CNTNAP2: variants seen among roughly 807,000 people sequenced by gnomAD.
CNTNAP2 encodes contactin-associated protein-like 2.
In CNTNAP2, 98 loss-of-function variants were observed where a neutral mutation model predicts 155.2. That is an observed-to-expected ratio of 0.63 (90% CI 0.54 to 0.75). CNTNAP2 has a LOEUF of 0.75. Among genes scored for constraint, CNTNAP2 ranks in the 30% least tolerant of loss-of-function variants. The pLI is 0.00. For missense variants in CNTNAP2, 1,727 were observed against 1,688.1 expected (o/e 1.02, Z -0.40); for synonymous variants, 651 against 631.2 (o/e 1.03, Z -0.47).
intron 21 of CNTNAP2, among the ~76,000 whole-genome samples, chr7:148,317,165 G>A (rs968963842): frequency 6.6e-6 from 1 of 152,200 alleles, no homozygotes; most frequent in African/African-American, 2.4e-5. Context: ...AGACCATCCT[G>A]ACCAACATGG....
chr7:146,267,106 A>G lies in CNTNAP2; in HGVS notation c.97+150133A>G, dbSNP rs952731781. 3.9e-5 allele frequency among the ~76,000 whole-genome samples: 6 copies of G among 152,288 alleles called. No individual in the cohort carries two copies. The East Asian group carries it at 9.7e-4, about 25-fold the overall frequency. ...GATGGGTGGTAGAGAGGAGGCAAAT[A>G]TCAGGAAAGAAGGGAAGATGTCCAT... On this transcript the variant is annotated intron_variant, in intron 1 of 23. Coordinates refer to ENST00000361727, the MANE Select transcript of CNTNAP2 (RefSeq NM_014141.6).
At chr7:146,837,162 G>A (rs1372931238) in intron 2 of CNTNAP2, among the ~76,000 whole-genome samples, 2 of 151,912 alleles carry the variant, frequency 1.3e-5, no homozygotes, top group African/African-American at 4.8e-5. Context: ...CCCAATCTCT[G>A]TCATCTCTGC....
At chr7:147,596,855 C>T (rs1026195848) in intron 12 of CNTNAP2, among the ~76,000 whole-genome samples, 14 of 152,180 alleles carry the variant, frequency 9.2e-5, no homozygotes, top group Non-Finnish European at 1.9e-4. Context: ...CTGGCCAAGA[C>T]CCACCAAAAC....
At chr7:148,402,640 AAAAC>A (rs1341777046) in intron 22 of CNTNAP2, among the ~76,000 whole-genome samples, 2 of 152,250 alleles carry the variant, frequency 1.3e-5, no homozygotes, top group Non-Finnish European at 2.9e-5. Flanking sequence ...AAAATGTAAT[AAAAC>A]AAAGAAGCTA....
chr7:148,144,675 A>C (rs766026705), intron 16 of CNTNAP2, among the ~76,000 whole-genome samples: 5 of 152,224 alleles, frequency 3.3e-5, no homozygotes, highest in Non-Finnish European at 5.9e-5. Flanking sequence ...TGTTCTTTCC[A>C]ATGAGCCAGG....
intron 1 of CNTNAP2, among the ~76,000 whole-genome samples, chr7:146,595,389 A>G (rs1798845392): frequency 6.6e-6 from 1 of 152,082 alleles, no homozygotes; most frequent in Non-Finnish European, 1.5e-5. Context: ...AAAATATATA[A>G]TAGTATGAAT....
intron 6 of CNTNAP2, among the ~76,000 whole-genome samples, chr7:147,128,011 T>C (rs1801275712): frequency 6.6e-6 from 1 of 152,182 alleles, no homozygotes; most frequent in African/African-American, 2.4e-5. Context: ...TTTCTTTCTA[T>C]AAGCGATAGC....
intron 10 of CNTNAP2, among the ~76,000 whole-genome samples, chr7:147,426,804 G>A (rs1035649091): frequency 6.6e-6 from 1 of 152,122 alleles, no homozygotes; most frequent in South Asian, 2.1e-4. Flanking sequence ...TAGATTTTTA[G>A]GGAATAAATT....
chr7:146,344,354 G>A (rs142934780), intron 1 of CNTNAP2, among the ~76,000 whole-genome samples: 1 of 152,012 alleles, frequency 6.6e-6, no homozygotes, highest in African/African-American at 2.4e-5. Flanking sequence ...GTCATTTAGT[G>A]TAAAAAACAT....
In CNTNAP2 at chr7:147,119,537, C is replaced by T. The variant is rs146765474; in HGVS notation, c.755-1442C>T. 1.9e-3 allele frequency among the ~76,000 whole-genome samples: 286 copies of T among 152,276 alleles called. 2 individuals carry two copies. Among genetic ancestry groups the T allele is most frequent in the African/African-American group, 6.3e-3 (262 of 41,562 alleles). ...TTTCACTTAGTTCTGAATTTTCTTC[C>T]TCTCTCTTCCTCTTCCTCCTCTTGT... is the stretch of plus-strand genomic sequence containing the variant. On this transcript the variant is annotated intron_variant, in intron 5 of 23. Transcript: ENST00000361727.
At chr7:146,913,012 A>G (rs1796318550) in intron 3 of CNTNAP2, among the ~76,000 whole-genome samples, 2 of 152,164 alleles carry the variant, frequency 1.3e-5, no homozygotes, top group African/African-American at 4.8e-5. Context: ...AGGAAAATTA[A>G]TGACTCCTTT....
chr7:147,292,041 C>T (rs185825372), intron 8 of CNTNAP2, among the ~76,000 whole-genome samples: 3 of 151,974 alleles, frequency 2.0e-5, no homozygotes, highest in East Asian at 1.9e-4. Context: ...TCTTTCTTGC[C>T]GTGGATTTTA....
At chr7:147,834,128 C>G (rs960147774) in intron 13 of CNTNAP2, among the ~76,000 whole-genome samples, 6 of 152,136 alleles carry the variant, frequency 3.9e-5, no homozygotes, top group African/African-American at 1.2e-4. Context: ...TTCTTTTTCC[C>G]TAGCTCTCCT....
chr7:147,376,326 C>A (rs745815731), intron 9 of CNTNAP2, among the ~76,000 whole-genome samples: 1 of 151,848 alleles, frequency 6.6e-6, no homozygotes, highest in African/African-American at 2.4e-5. Flanking sequence ...GACTATCATA[C>A]AACTTATGCC....
intron 18 of CNTNAP2, among the ~76,000 whole-genome samples, chr7:148,192,293 A>T (rs2116718922): frequency 6.6e-6 from 1 of 152,292 alleles, no homozygotes; most frequent in Non-Finnish European, 1.5e-5. Context: ...CTCTATGTCC[A>T]TGTGGACCCA....
At position 146,496,789 on chromosome 7, in the gene CNTNAP2, CATATT is replaced by C. The variant is rs1797221855; in HGVS notation, c.98-277480_98-277476del. ...TATTTGAGAATAACAGCCAAATGAG[CATATT>C]AGCCATTCAGGTATAACAAAAATGG... On this transcript the variant is annotated intron_variant, in intron 1 of 23. Transcript: ENST00000361727. Among the ~76,000 whole-genome samples, 6 of 152,252 alleles carry C rather than the reference CATATT, an allele frequency of 3.9e-5. No individual in the cohort carries two copies. The South Asian group carries it at 1.2e-3, about 32-fold the overall frequency.
intron 1 of CNTNAP2, among the ~76,000 whole-genome samples, chr7:146,424,300 A>G (rs1054425079): frequency 3.3e-5 from 5 of 152,296 alleles, no homozygotes; most frequent in South Asian, 2.1e-4. Context: ...ACTAACGGCT[A>G]TGATTGATTA....
At chr7:147,869,068 C>G (rs1324971696) in intron 13 of CNTNAP2, among the ~76,000 whole-genome samples, 3 of 152,202 alleles carry the variant, frequency 2.0e-5, no homozygotes, top group Non-Finnish European at 4.4e-5. Flanking sequence ...ACACTGGGTG[C>G]TGCGGACCAG....
intron 1 of CNTNAP2, among the ~76,000 whole-genome samples, chr7:146,146,365 A>G (rs563040006): frequency 1.3e-5 from 2 of 152,262 alleles, no homozygotes; most frequent in South Asian, 2.1e-4. Flanking sequence ...GTCCCCAGCC[A>G]TAGGAAGTTC....
Sources: allele counts gnomAD v4.1 joint callset (sites outside exome capture counted in the v4.1 genomes callset), GRCh38; gene constraint gnomAD v4.1.1; transcripts MANE v1.5; gene names NCBI Gene and HGNC (gene_info 2026-07-23, HGNC 2026-07-21).